The following GABRB3 variants were observed in gnomAD, a reference collection of about 807,000 sequenced individuals.
The protein encoded by GABRB3 is gamma-aminobutyric acid receptor subunit beta-3.
GABRB3 carries 14 observed loss-of-function variants against 52.1 expected under a neutral mutation model. The ratio of observed to expected loss-of-function variants is 0.27; its 90% confidence interval spans 0.18 to 0.42. GABRB3 has a LOEUF of 0.42. Ranked by LOEUF, GABRB3 falls within the 10% of genes least tolerant of loss-of-function variation. The pLI is 1.00. For missense variants in GABRB3, 307 were observed against 609.1 expected (o/e 0.50, Z 5.22); for synonymous variants, 260 against 232.3 (o/e 1.12, Z -1.08).
intron 3 of GABRB3, among the ~76,000 whole-genome samples, chr15:26,634,324 T>A (rs1892985269): frequency 6.6e-6 from 1 of 152,124 alleles, no homozygotes; most frequent in Non-Finnish European, 1.5e-5. Context: ...GCCTCAAATG[T>A]GTTCACCCAC....
intron 3 of GABRB3, among the ~76,000 whole-genome samples, chr15:26,691,684 G>A (rs989014345): frequency 6.6e-6 from 1 of 152,102 alleles, no homozygotes; most frequent in Admixed American, 6.5e-5. Context: ...CTTCCCTGGG[G>A]GTTCTTCTAT....
intron 3 of GABRB3, among the ~76,000 whole-genome samples, chr15:26,677,969 C>T (rs1487099467): frequency 6.6e-6 from 1 of 152,186 alleles, no homozygotes; most frequent in Non-Finnish European, 1.5e-5. Context: ...TCCAATTAGG[C>T]ACTGGGGGCC....
intron 3 of GABRB3, among the ~76,000 whole-genome samples, chr15:26,719,817 A>G (rs1284168214): frequency 6.6e-6 from 1 of 152,180 alleles, no homozygotes; most frequent in African/African-American, 2.4e-5. Context: ...AATTCACCCA[A>G]TAACTGATAG....
At chr15:26,703,981 T>C (rs934760595) in intron 3 of GABRB3, among the ~76,000 whole-genome samples, 8 of 152,306 alleles carry the variant, frequency 5.3e-5, no homozygotes, top group African/African-American at 1.9e-4. Flanking sequence ...TCTGGGGTCT[T>C]GGTGGCAGCC....
At chr15:26,766,464 C>G (rs1891000272) in intron 3 of GABRB3, among the ~76,000 whole-genome samples, 1 of 152,138 alleles carries the variant, frequency 6.6e-6, no homozygotes, top group Admixed American at 6.6e-5. Context: ...TTCTTTTGTT[C>G]CTGCATGCAT....
intron 4 of GABRB3, 58 bp from the exon 5 acceptor site, chr15:26,583,472 G>C (rs373583034): frequency 9.9e-6 from 14 of 1,413,156 alleles, no homozygotes; most frequent in African/African-American, 1.4e-5. Flanking sequence ...GTATCAGGGA[G>C]ACTCCTCTTA....
At chr15:26,616,781 GC>G (rs1409268930) in intron 4 of GABRB3, among the ~76,000 whole-genome samples, 1 of 152,034 alleles carries the variant, frequency 6.6e-6, no homozygotes, top group Non-Finnish European at 1.5e-5. Context: ...TACAGACCAA[GC>G]AATTTTTATT....
At chr15:26,615,198 A>C in intron 4 of GABRB3, 1 of 797,942 alleles carries the variant, frequency 1.3e-6, no homozygotes, top group East Asian at 1.3e-4. Context: ...CATCAAAGAA[A>C]ACAGAAAAGC....
chr15:26,564,954 T>C (rs950650639), intron 7 of GABRB3, among the ~76,000 whole-genome samples: 1 of 152,194 alleles, frequency 6.6e-6, no homozygotes, highest in African/African-American at 2.4e-5. Flanking sequence ...TGGATTGAAA[T>C]CTTTCTTCTG....
At chr15:26,646,759 A>G (rs1486061880) in intron 3 of GABRB3, among the ~76,000 whole-genome samples, 1 of 152,198 alleles carries the variant, frequency 6.6e-6, no homozygotes, top group Non-Finnish European at 1.5e-5. Context: ...ATTAAGTGGT[A>G]TCTCATTGTG....
At chr15:26,655,306 T>C in intron 3 of GABRB3, among the ~76,000 whole-genome samples, 1 of 152,212 alleles carries the variant, frequency 6.6e-6, no homozygotes. Flanking sequence ...TCATAATTTA[T>C]TTAACCCACC....
intron 3 of GABRB3, among the ~76,000 whole-genome samples, chr15:26,645,068 AC>A (rs1377604056): frequency 2.0e-5 from 3 of 152,186 alleles, no homozygotes; most frequent in African/African-American, 4.8e-5. Context: ...CAGAGTGAGA[AC>A]CCCTGTCTAC....
At position 26,772,671 on chromosome 15, in the gene GABRB3, GC is replaced by G. The variant is rs1566838077; in HGVS notation, c.172+9del. On this transcript the variant is annotated intron_variant, in intron 2 of 8. Transcript: ENST00000311550. ...GCGCTTCCCGCAACGGCCGCGCGCA[GC>G]CCACTTACCCCCGAAGTCGGGTCTT... 1 of 1,563,970 alleles carries G rather than the reference GC, an allele frequency of 6.4e-7. No individual in the cohort carries two copies. Among genetic ancestry groups the G allele is most frequent in the Non-Finnish European group, 8.7e-7 (1 of 1,155,344 alleles).
intron 6 of GABRB3, among the ~76,000 whole-genome samples, chr15:26,572,047 GAA>G (rs67382387): frequency 9.4e-5 from 5 of 53,112 alleles, no homozygotes; most frequent in Admixed American, 2.3e-4. Flanking sequence ...TCCGTCTCAA[GAA>G]AAAAAAAAAA....
intron 3 of GABRB3, among the ~76,000 whole-genome samples, chr15:26,648,442 A>G (rs895266538): frequency 2.0e-5 from 3 of 152,234 alleles, no homozygotes; most frequent in Non-Finnish European, 4.4e-5. Flanking sequence ...GAGAAGCTCT[A>G]AAGCTCTAAA....
intron 3 of GABRB3, among the ~76,000 whole-genome samples, chr15:26,674,400 C>CAAAAAAAAAAAA (rs55723767): frequency 5.8e-5 from 5 of 86,784 alleles, no homozygotes; most frequent in African/African-American, 1.9e-4. Flanking sequence ...GACTCAGTTT[C>CAAAAAAAAAAAA]AAAAAAAAAA....
chr15:26,772,953 G>T lies in GABRB3; in HGVS notation c.10C>A (p.Leu4Ile). MWG[L>I]AGGRLFGIFS... Reference sequence around the variant, plus strand: ...ATGCCGAAAAGCCTTCCTCCCGCAAGGCCCCACATCCCTCCGCCGCGCCCC... The same window carrying T: ...ATGCCGAAAAGCCTTCCTCCCGCAATGCCCCACATCCCTCCGCCGCGCCCC... Residue 4 changes from leucine to isoleucine, a missense_variant, in exon 1 of 9, where the codon CTT (leucine) becomes ATT (isoleucine). This residue lies in a region of GABRB3 where 90 missense variants were observed against 86.4 expected (regional missense o/e 1.04). Transcript: ENST00000311550. 1 of 1,468,364 alleles carries T rather than the reference G, an allele frequency of 6.8e-7. No individual in the cohort carries two copies. 91.0% of individuals were successfully genotyped at this position (1,468,364 alleles called of 1,614,324 possible).
intron 3 of GABRB3, among the ~76,000 whole-genome samples, chr15:26,757,193 G>A (rs551897473): frequency 6.6e-6 from 1 of 151,992 alleles, no homozygotes. Flanking sequence ...GTATCCCACC[G>A]TGGTTCCCTT....
intron 3 of GABRB3, among the ~76,000 whole-genome samples, chr15:26,757,321 T>C (rs8182080): frequency 0.092 from 13,955 of 152,112 alleles, 918 homozygotes; most frequent in East Asian, 0.28. Flanking sequence ...ACAGCGTCCC[T>C]AGGAGCTGTA....
Sources: gnomAD v4.1 joint callset for allele counts (sites outside exome capture counted in the v4.1 genomes callset) on GRCh38, gnomAD v4.1.1 for gene constraint, gnomAD v4.1.1 regional missense constraint, MANE v1.5 for transcripts, NCBI Gene and HGNC (gene_info 2026-07-23, HGNC 2026-07-21) for gene names.